The following ABCA9 variants were observed in gnomAD, a reference collection of about 807,000 sequenced individuals.
ABCA9 encodes the protein ATP binding cassette subfamily A member 9, also known as ATP-binding cassette sub-family A member 9.
Under a neutral mutation model 205.3 loss-of-function variants are expected in ABCA9, and 183 were observed. The observed-to-expected ratio is 0.89, with a 90% CI of 0.79 to 1.01. ABCA9 has a LOEUF of 1.01. Ranked by LOEUF, ABCA9 falls within the 50% of genes least tolerant of loss-of-function variation. ABCA9 has a pLI of 0.00. For synonymous variants in ABCA9, 651 were observed against 683.3 expected (o/e 0.95, Z 0.74); for missense variants, 1,805 against 1,912.4 (o/e 0.94, Z 1.05).
intron 37 of ABCA9, among the ~76,000 whole-genome samples, chr17:68,979,749 G>T (rs1024643064): frequency 1.3e-5 from 2 of 152,130 alleles, no homozygotes; most frequent in African/African-American, 4.8e-5. Flanking sequence ...AGCTGAAACT[G>T]GATCCCTTCC....
chr17:68,997,029 C>G (rs2069646624), intron 25 of ABCA9, among the ~76,000 whole-genome samples: 1 of 152,238 alleles, frequency 6.6e-6, no homozygotes, highest in African/African-American at 2.4e-5. Flanking sequence ...CTCTCAGGTT[C>G]AAGCGATTCT....
chr17:68,976,253 A>G, intron 37 of ABCA9, 63 bp from the exon 38 acceptor site: 1 of 1,350,392 alleles, frequency 7.4e-7, no homozygotes, highest in East Asian at 2.3e-5. Context: ...TTACCAAGTA[A>G]CAAACCAAAA....
Position 69,033,816 on chromosome 17 carries a change from G to C in ABCA9, c.1186C>G (p.Pro396Ala). The C allele has an allele frequency of 6.2e-7, 1 of 1,608,484 alleles. No homozygotes were observed. Among genetic ancestry groups the C allele is most frequent in the East Asian group, 2.2e-5 (1 of 44,706 alleles). Residue 396 changes from proline (P) to alanine (A), a missense_variant, in exon 9 of 39, where the codon CCA becomes GCA. Physicochemically the swap from Pro to Ala is conservative, Grantham distance 27. Transcript: ENST00000340001. Reference protein sequence around the residue: ...SNAHLDSSQNPYLIIATLFML... With the variant: ...SNAHLDSSQNAYLIIATLFML... The stretch of plus-strand genomic sequence containing the variant: ...AAAAGAGTAGCTATTATGAGGTATG[G>C]ATTTTGTGAAGAATCCAAGTGGGCA...
At chr17:69,043,324 C>G in intron 6 of ABCA9, 165 bp downstream of exon 6, 1 of 562,000 alleles carries the variant, frequency 1.8e-6, no homozygotes, top group East Asian at 3.0e-5. Context: ...AAGCTTTGCT[C>G]ACTTGCCTGC....
At position 69,053,717 on chromosome 17, in the gene ABCA9, C is replaced by A. The variant is rs139061373; in HGVS notation, c.-13-2578G>T. ...GACAATTGAAAATGTGTAACATATG[C>A]CTAATGGGAATACCAAAAAGAGAGA... On this transcript the variant is annotated intron_variant, in intron 1 of 38. Transcript: ENST00000340001. Among the ~76,000 whole-genome samples the A allele has an allele frequency of 2.9e-3, 440 of 151,910 alleles. 4 individuals carry two copies. Among genetic ancestry groups the A allele is most frequent in the African/African-American group, 0.01 (422 of 41,446 alleles).
intron 23 of ABCA9, among the ~76,000 whole-genome samples, chr17:69,009,955 A>T (rs1385011131): frequency 1.3e-5 from 2 of 152,196 alleles, no homozygotes; most frequent in African/African-American, 4.8e-5. Context: ...TACTAAAAAA[A>T]TTCATTGTTT....
Position 69,012,081 on chromosome 17 carries a change from C to G in ABCA9, c.3042G>C (p.Glu1014Asp). 1.9e-6 allele frequency: 3 copies of G among 1,603,452 alleles called. No homozygotes were observed. The highest frequency in any genetic ancestry group is 2.6e-6 in the Non-Finnish European group (3 of 1,173,544). Residue 1014 changes from glutamate (E) to aspartate (D), a missense_variant and splice_region_variant, in exon 23 of 39, where the codon GAG becomes GAC. Physicochemically the swap from Glu to Asp is conservative, Grantham distance 45 (BLOSUM62 2). Transcript: ENST00000340001. ...IQTDRSTFFE[E>D]HMDYEYGYRS... ...GGTACCCATACTCATAATCCATATG[C>G]TCCTGAAATCATGTGGAACATGGTG...
At chr17:69,053,750 G>T (rs2071980669) in intron 1 of ABCA9, among the ~76,000 whole-genome samples, 1 of 150,750 alleles carries the variant, frequency 6.6e-6, no homozygotes, top group African/African-American at 2.4e-5. Flanking sequence ...AGAAAGAAAG[G>T]AACAGAAGAA....
the ABCA9 span, among the ~76,000 whole-genome samples, chr17:69,073,614 A>C: frequency 6.6e-6 from 1 of 152,242 alleles, no homozygotes; most frequent in Non-Finnish European, 1.5e-5. Context: ...TTAGAGGGAA[A>C]CTTATAGCAC....
At chr17:69,078,490 C>T in the ABCA9 span, among the ~76,000 whole-genome samples, 1 of 152,148 alleles carries the variant, frequency 6.6e-6, no homozygotes, top group South Asian at 2.1e-4. Flanking sequence ...AGCCACTGCA[C>T]CTGGCCCCTT....
At chr17:69,069,958 A>G in the ABCA9 span, among the ~76,000 whole-genome samples, 1 of 152,204 alleles carries the variant, frequency 6.6e-6, no homozygotes, top group South Asian at 2.1e-4. Context: ...AGATTTCATT[A>G]TATTGTTATT....
chr17:69,049,736 C>T (rs1714045321), intron 2 of ABCA9, among the ~76,000 whole-genome samples: 1 of 152,056 alleles, frequency 6.6e-6, no homozygotes, highest in African/African-American at 2.4e-5. Context: ...AAGTTTACCA[C>T]ACTCTAGTGC....
chr17:69,071,570 G>A, the ABCA9 span, among the ~76,000 whole-genome samples: 5 of 152,048 alleles, frequency 3.3e-5, no homozygotes, highest in Non-Finnish European at 5.9e-5. Context: ...GGACGACCAC[G>A]CAAAAACTCC....
chr17:69,047,683 TG>T (rs1477641320), intron 3 of ABCA9, among the ~76,000 whole-genome samples: 9 of 152,214 alleles, frequency 5.9e-5, no homozygotes, highest in African/African-American at 2.2e-4. Context: ...GCAAGGATTT[TG>T]TAAGTTCCTG....
chr17:69,027,538 T>C, intron 13 of ABCA9, 89 bp from the exon 14 acceptor site: 1 of 1,559,272 alleles, frequency 6.4e-7, no homozygotes, highest in South Asian at 1.2e-5. Context: ...AGGGCCTTTT[T>C]GCCTGAAATT....
intron 28 of ABCA9, 152 bp from the exon 29 acceptor site, chr17:68,991,109 A>G (rs2069438756): frequency 1.2e-6 from 1 of 866,812 alleles, no homozygotes; most frequent in African/African-American, 1.7e-5. Flanking sequence ...CCGCCTTTCA[A>G]ACACCCTAGT....
At chr17:68,992,604 G>A (rs13342218) in intron 27 of ABCA9, 8,981 of 212,106 alleles carry the variant, frequency 0.042, 834 homozygotes, top group African/African-American at 0.19. Context: ...ACATGAGGTC[G>A]GAAGTTCGAG....
chr17:69,027,504 C>G, intron 13 of ABCA9, 55 bp from the exon 14 acceptor site: 1 of 1,575,406 alleles, frequency 6.3e-7, no homozygotes, highest in Non-Finnish European at 8.6e-7. Flanking sequence ...TTTAAAAACA[C>G]TATCATTTTT....
Position 68,984,096 on chromosome 17 carries a change from C to T in ABCA9, c.4459G>A (p.Val1487Met), listed in dbSNP as rs372324484. ...TTHYMAEAEA[V>M]CDRVAIMVSG... ...ACCATGATGGCCACTCGGTCACACA[C>T]CGCCTCAGCCTCTGCCATGTAGTGG... Residue 1487 changes from valine (V) to methionine (M), a missense_variant, in exon 35 of 39, where the codon GTG becomes ATG. Val to Met is a conservative substitution (Grantham distance 21). Transcript: ENST00000340001. 6.4e-5 allele frequency: 104 copies of T among 1,614,076 alleles called. 1 individual carries two copies. In the South Asian group the frequency reaches 8.8e-4, roughly 14 times the overall value.
Sources: allele counts gnomAD v4.1 joint callset (sites outside exome capture counted in the v4.1 genomes callset), GRCh38; gene constraint gnomAD v4.1.1; transcripts MANE v1.5; gene names NCBI Gene and HGNC (gene_info 2026-07-23, HGNC 2026-07-21).